Variants in MGAT4C observed in about 807,000 individuals in gnomAD.
MGAT4C encodes the protein alpha-1,3-mannosyl-glycoprotein 4-beta-N-acetylglucosaminyltransferase C.
MGAT4C carries 19 observed loss-of-function variants against 40.1 expected under a neutral mutation model. That is an observed-to-expected ratio of 0.47 (90% confidence interval 0.33 to 0.70). The LOEUF (loss-of-function observed/expected upper bound fraction) is 0.70. Ranked by LOEUF, MGAT4C falls within the 30% of genes least tolerant of loss-of-function variation. MGAT4C has a pLI of 0.02. For synonymous variants in MGAT4C, 181 were observed against 187.1 expected (o/e 0.97, Z 0.27); for missense variants, 491 against 563.2 (o/e 0.87, Z 1.30).
chr12:86,496,944 A>G (rs1009113594), intron 2 of MGAT4C, among the ~76,000 whole-genome samples: 4 of 152,046 alleles, frequency 2.6e-5, no homozygotes, highest in African/African-American at 7.2e-5. Context: ...TTGAAAGCAG[A>G]TATCAGTAGA....
At chr12:86,686,380 A>G (rs1307083426) in intron 2 of MGAT4C, among the ~76,000 whole-genome samples, 1 of 152,168 alleles carries the variant, frequency 6.6e-6, no homozygotes, top group Admixed American at 6.5e-5. Context: ...TATGTTGAAT[A>G]GGAGTAAGGA....
chr12:86,306,252 T>C (rs1171754382), intron 4 of MGAT4C, among the ~76,000 whole-genome samples: 1 of 150,394 alleles, frequency 6.6e-6, no homozygotes. Context: ...CACACACTTA[T>C]CAAGAAAGTT....
At chr12:86,625,093 A>C (rs1391924977) in intron 2 of MGAT4C, among the ~76,000 whole-genome samples, 1 of 151,988 alleles carries the variant, frequency 6.6e-6, no homozygotes, top group Non-Finnish European at 1.5e-5. Context: ...GCCCTTTATA[A>C]GGGGATTTTA....
chr12:86,152,468 C>G (rs1009062867), intron 1 of MGAT4C, among the ~76,000 whole-genome samples: 3 of 152,204 alleles, frequency 2.0e-5, no homozygotes, highest in African/African-American at 7.2e-5. Context: ...CCTGAGGATT[C>G]TGCCCTCATG....
chr12:86,609,017 T>G (rs1322275194), intron 2 of MGAT4C, among the ~76,000 whole-genome samples: 1 of 152,154 alleles, frequency 6.6e-6, no homozygotes, highest in South Asian at 2.1e-4. Flanking sequence ...AGAGTAAAAC[T>G]AAGATATTTT....
chr12:86,024,856 A>C (rs1565875969), intron 2 of MGAT4C, among the ~76,000 whole-genome samples: 1 of 151,704 alleles, frequency 6.6e-6, no homozygotes, highest in Non-Finnish European at 1.5e-5. Flanking sequence ...TTAAAGTGTC[A>C]ATTCCCTTTA....
At chr12:86,068,414 C>G (rs1894766871) in intron 1 of MGAT4C, 1 of 151,840 alleles carries the variant, frequency 6.6e-6, no homozygotes, top group Non-Finnish European at 1.5e-5. Flanking sequence ...ACTAATGAAG[C>G]TCTTGTACTT....
At chr12:85,980,603 C>T (rs1884475835) in intron 4 of MGAT4C, among the ~76,000 whole-genome samples, 173 bp from the exon 5 acceptor site, 1 of 151,938 alleles carries the variant, frequency 6.6e-6, no homozygotes, top group Non-Finnish European at 1.5e-5. Context: ...TATATAAAGG[C>T]TGTAAGTGCT....
chr12:86,611,424 A>G lies in MGAT4C; in HGVS notation c.-229+115785T>C, dbSNP rs191121431. On this transcript the variant is annotated intron_variant, in intron 2 of 7. Transcript: ENST00000548651. Reference sequence around the variant, plus strand: ...GGTAGGTAGGTAGGTAGGTAGGTAGATAGATAGATGACAGATAGATAGATA... The same window carrying G: ...GGTAGGTAGGTAGGTAGGTAGGTAGGTAGATAGATGACAGATAGATAGATA... Among the ~76,000 whole-genome samples the G allele has an allele frequency of 6.0e-3, 808 of 133,686 alleles. 3 individuals are homozygous for G. Among genetic ancestry groups the G allele is most frequent in the Non-Finnish European group, 9.6e-3 (592 of 61,882 alleles). The allele number at this position is 133,686 out of a possible 152,430, so 87.7% of individuals were successfully genotyped here.
chr12:86,609,413 C>T (rs1004079066), intron 2 of MGAT4C, among the ~76,000 whole-genome samples: 61 of 152,046 alleles, frequency 4.0e-4, no homozygotes, highest in African/African-American at 1.4e-3. Flanking sequence ...GCTGCATTAA[C>T]TCTTCATGAG....
At chr12:86,459,416 GCAGTTTACAACCAT>G in intron 2 of MGAT4C, among the ~76,000 whole-genome samples, 1 of 151,984 alleles carries the variant, frequency 6.6e-6, no homozygotes, top group African/African-American at 2.4e-5. Flanking sequence ...GCAGGCATTT[GCAGTTTACAACCAT>G]GTTGTAAACT....
At chr12:86,466,194 G>C in intron 2 of MGAT4C, among the ~76,000 whole-genome samples, 1 of 140,684 alleles carries the variant, frequency 7.1e-6, no homozygotes, top group East Asian at 2.1e-4. Flanking sequence ...GGGGGCAAGA[G>C]ATCAAGACTC....
At chr12:86,528,433 A>C (rs1325730375) in intron 2 of MGAT4C, among the ~76,000 whole-genome samples, 1 of 152,054 alleles carries the variant, frequency 6.6e-6, no homozygotes, top group Non-Finnish European at 1.5e-5. Context: ...AAAAATATTC[A>C]ATAGACAGAT....
At chr12:86,031,050 T>C (rs1173666643) in intron 2 of MGAT4C, among the ~76,000 whole-genome samples, 4 of 151,798 alleles carry the variant, frequency 2.6e-5, no homozygotes, top group Non-Finnish European at 4.4e-5. Flanking sequence ...ACACTTAAGA[T>C]TGACATTCTG....
intron 1 of MGAT4C, among the ~76,000 whole-genome samples, chr12:86,145,793 G>A (rs1593066163): frequency 6.6e-6 from 1 of 152,174 alleles, no homozygotes; most frequent in Admixed American, 6.5e-5. Context: ...AGAAAGAACA[G>A]AAAGATTTTG....
At chr12:86,430,893 G>A (rs970572771) in intron 3 of MGAT4C, among the ~76,000 whole-genome samples, 2 of 152,228 alleles carry the variant, frequency 1.3e-5, no homozygotes, top group Admixed American at 6.5e-5. Flanking sequence ...TCTAGGTTAA[G>A]TAGGTTTAGC....
At chr12:86,139,167 T>A (rs1882471258) in intron 1 of MGAT4C, among the ~76,000 whole-genome samples, 1 of 152,166 alleles carries the variant, frequency 6.6e-6, no homozygotes, top group Non-Finnish European at 1.5e-5. Flanking sequence ...TTTACAGTGT[T>A]TTATTAAGTA....
rs370608302 is a variant in MGAT4C, at chr12:86,809,171, T to C, written c.-262+29495A>G. On this transcript the variant is annotated intron_variant, in intron 1 of 7. Coordinates refer to the MGAT4C transcript ENST00000548651. ...TGGAAATTCATCCCATGTTCATGGA[T>C]AGGATGAATGTGGATTTTTATTTAG... Among the ~76,000 whole-genome samples, 539 of 152,250 alleles carry C rather than the reference T, an allele frequency of 3.5e-3. 3 individuals carry two copies. The highest frequency in any genetic ancestry group is 0.017 in the Middle Eastern group (5 of 294).
intron 2 of MGAT4C, among the ~76,000 whole-genome samples, chr12:86,499,041 T>C (rs1347306739): frequency 6.6e-6 from 1 of 151,932 alleles, no homozygotes; most frequent in Non-Finnish European, 1.5e-5. Flanking sequence ...TGTAAATGTA[T>C]TTTTTCTTCC....
Sources: allele counts gnomAD v4.1 joint callset (sites outside exome capture counted in the v4.1 genomes callset), GRCh38; gene constraint gnomAD v4.1.1; transcripts MANE v1.5; gene names NCBI Gene and HGNC (gene_info 2026-07-23, HGNC 2026-07-21).